CLXN: variants seen among roughly 807,000 people sequenced by gnomAD.
CLXN encodes calaxin, also known as EF-hand calcium binding domain 1.
the CLXN span, chr8:48,724,901 G>T: frequency 1.1e-6 from 1 of 893,694 alleles, no homozygotes; most frequent in Non-Finnish European, 1.7e-6. Flanking sequence ...GGATAACTGA[G>T]GGTTAGTGGG....
the CLXN span, chr8:48,730,473 A>G: frequency 9.3e-7 from 1 of 1,072,826 alleles, no homozygotes; most frequent in Non-Finnish European, 1.3e-6. Context: ...GTTGAAAGAC[A>G]CTGATTTAAG....
chr8:48,734,733 C>T, the CLXN span: 1 of 215,976 alleles, frequency 4.6e-6, no homozygotes, highest in Non-Finnish European at 9.2e-6. Context: ...CACGGTCTAC[C>T]TTGGTGGTGC....
the CLXN span, among the ~76,000 whole-genome samples, chr8:48,717,187 G>A: frequency 1.3e-5 from 2 of 151,982 alleles, no homozygotes; most frequent in South Asian, 4.1e-4. Flanking sequence ...GAAACACAAA[G>A]GGCCTAAAAT....
chr8:48,729,165 T>C, the CLXN span: 123 of 1,577,592 alleles, frequency 7.8e-5, no homozygotes, highest in Non-Finnish European at 1.0e-4. Context: ...ATGAGAAACA[T>C]GTTAGGCAAC....
At chr8:48,728,835 A>T in the CLXN span, among the ~76,000 whole-genome samples, 2 of 152,224 alleles carry the variant, frequency 1.3e-5, no homozygotes, top group Non-Finnish European at 2.9e-5. Context: ...TGTTTCTGAC[A>T]TGAATGAGTT....
the CLXN span, among the ~76,000 whole-genome samples, chr8:48,717,227 G>A: frequency 4.6e-5 from 7 of 152,104 alleles, no homozygotes; most frequent in African/African-American, 1.4e-4. Flanking sequence ...GTACAATGAG[G>A]TACATTATAA....
the CLXN span, among the ~76,000 whole-genome samples, chr8:48,726,224 TCATC>T: frequency 4.9e-4 from 63 of 128,324 alleles, no homozygotes; most frequent in East Asian, 7.6e-3. Context: ...CCCATTCACT[TCATC>T]CATCCATCCA....
chr8:48,726,423 C>T, the CLXN span, among the ~76,000 whole-genome samples: 4 of 150,624 alleles, frequency 2.7e-5, no homozygotes, highest in Non-Finnish European at 5.9e-5. Flanking sequence ...CTCATCCATC[C>T]ATCCACTCAT....
chr8:48,729,777 A>T, the CLXN span: 29 of 1,613,508 alleles, frequency 1.8e-5, no homozygotes, highest in East Asian at 6.5e-4. Context: ...GGTCTTCCTC[A>T]GATGGCTGTT....
the CLXN span, among the ~76,000 whole-genome samples, chr8:48,714,489 T>C: frequency 2.6e-5 from 4 of 152,220 alleles, no homozygotes; most frequent in African/African-American, 9.6e-5. Context: ...GATTTTTTTG[T>C]TGTTGACATC....
chr8:48,714,802 T>G, the CLXN span: 27 of 152,350 alleles, frequency 1.8e-4, no homozygotes, highest in African/African-American at 6.3e-4. Context: ...CCAACAATTC[T>G]ACTTTTACAA....
chr8:48,729,400 G>A, the CLXN span, among the ~76,000 whole-genome samples: 2 of 151,838 alleles, frequency 1.3e-5, no homozygotes, highest in Non-Finnish European at 2.9e-5. Context: ...GTATGCGCCT[G>A]TAGTCCCAGA....
At chr8:48,729,841 T>G in the CLXN span, 1 of 1,612,896 alleles carries the variant, frequency 6.2e-7, no homozygotes, top group African/African-American at 1.3e-5. Flanking sequence ...AATGAATCCG[T>G]CACCATTCAA....
the CLXN span, among the ~76,000 whole-genome samples, chr8:48,731,186 T>C: frequency 6.6e-6 from 1 of 152,210 alleles, no homozygotes; most frequent in African/African-American, 2.4e-5. Context: ...AAGCCAATAT[T>C]ACCTCCTTTT....
At chr8:48,722,063 G>A in the CLXN span, among the ~76,000 whole-genome samples, 76 of 152,064 alleles carry the variant, frequency 5.0e-4, no homozygotes, top group African/African-American at 1.8e-3. Flanking sequence ...AAATATATAA[G>A]GAATACCTAC....
chr8:48,712,359 G>A, the CLXN span: 2 of 152,580 alleles, frequency 1.3e-5, no homozygotes, highest in African/African-American at 2.4e-5. Flanking sequence ...GGGCAGCCTG[G>A]GTTTCAACCA....
the CLXN span, chr8:48,729,971 C>CTGTGGGTACAG: frequency 8.7e-7 from 1 of 1,153,456 alleles, no homozygotes; most frequent in Non-Finnish European, 1.2e-6. Flanking sequence ...GATGCTGTAC[C>CTGTGGGTACAG]CACAGGTCTT....
the CLXN span, chr8:48,735,171 G>A: frequency 6.2e-7 from 1 of 1,613,594 alleles, no homozygotes; most frequent in Non-Finnish European, 8.5e-7. Context: ...TCAGAGAATC[G>A]GGCCGCGGCG....
At chr8:48,725,722 T>C in the CLXN span, among the ~76,000 whole-genome samples, 1 of 152,100 alleles carries the variant, frequency 6.6e-6, no homozygotes, top group Non-Finnish European at 1.5e-5. Context: ...GAGAATCACT[T>C]GAACCTGGGA....
Sources: allele counts gnomAD v4.1 joint callset (sites outside exome capture counted in the v4.1 genomes callset), GRCh38; gene constraint gnomAD v4.1.1; transcripts MANE v1.5; gene names NCBI Gene and HGNC (gene_info 2026-07-23, HGNC 2026-07-21).